DSCAML1: variants seen among roughly 807,000 people sequenced by gnomAD.
The protein encoded by DSCAML1 is cell adhesion molecule DSCAML1.
DSCAML1 carries 38 observed loss-of-function variants against 200.5 expected under a neutral mutation model. The ratio of observed to expected loss-of-function variants is 0.19; its 90% CI spans 0.15 to 0.25. The LOEUF (loss-of-function observed/expected upper bound fraction) is 0.25. Ranked by LOEUF, DSCAML1 falls within the 10% of genes least tolerant of loss-of-function variation. The pLI, the probability that DSCAML1 is intolerant of heterozygous loss-of-function variation, is 1.00. For synonymous variants in DSCAML1, 1,215 were observed against 1,165.0 expected (o/e 1.04, Z -0.87); for missense variants, 2,223 against 2,858.8 (o/e 0.78, Z 5.07).
At chr11:117,580,686 A>G (rs984247003) in intron 3 of DSCAML1, among the ~76,000 whole-genome samples, 1 of 152,172 alleles carries the variant, frequency 6.6e-6, no homozygotes, top group Non-Finnish European at 1.5e-5. Context: ...CTTTGAAGCC[A>G]TGGGCAAATC....
chr11:117,649,041 A>ATATATATGTGTGTGTG (rs768621807), intron 3 of DSCAML1, among the ~76,000 whole-genome samples: 27 of 137,928 alleles, frequency 2.0e-4, no homozygotes, highest in African/African-American at 7.7e-4. Flanking sequence ...CTCCATATAT[A>ATATATATGTGTGTGTG]TGTGTGTGTG....
chr11:117,626,210 T>C (rs12361297), intron 3 of DSCAML1, among the ~76,000 whole-genome samples: 8,649 of 113,978 alleles, frequency 0.076, 287 homozygotes, highest in Middle Eastern at 0.11. Flanking sequence ...CCCCCCCCCC[T>C]CCTTCTTCTG....
At chr11:117,720,743 T>A (rs543047787) in intron 3 of DSCAML1, among the ~76,000 whole-genome samples, 2 of 152,236 alleles carry the variant, frequency 1.3e-5, no homozygotes, top group African/African-American at 4.8e-5. Context: ...ACAGCAATAG[T>A]GGTGCTTGGC....
intron 3 of DSCAML1, among the ~76,000 whole-genome samples, chr11:117,667,234 A>C (rs2052997900): frequency 6.6e-6 from 1 of 152,144 alleles, no homozygotes; most frequent in East Asian, 1.9e-4. Context: ...CAACATGGTG[A>C]AACCCTGTCT....
chr11:117,759,049 T>C (rs1017983393), intron 3 of DSCAML1, among the ~76,000 whole-genome samples: 4 of 152,206 alleles, frequency 2.6e-5, no homozygotes, highest in Non-Finnish European at 5.9e-5. Flanking sequence ...TTGTAAACTC[T>C]GGCGATACTT....
chr11:117,769,193 T>TA lies in DSCAML1; in HGVS notation c.511+7597_511+7598insT, dbSNP rs1220506345. 1.5e-3 allele frequency among the ~76,000 whole-genome samples: 45 copies of TA among 29,838 alleles called. 3 individuals are homozygous for TA. Among genetic ancestry groups the TA allele is most frequent in the African/African-American group, 3.0e-3 (45 of 15,196 alleles). The allele number at this position is 29,838 out of a possible 152,430, so 19.6% of individuals were successfully genotyped here. A position where few individuals can be genotyped will look rare whatever the true frequency, so the allele number is the denominator to read the frequency against. On this transcript the variant is annotated intron_variant, in intron 3 of 32. Transcript: ENST00000651296. ...ATTTTATATATATTATACATATATATTTTATATATATTATATATTTTATAT... is the reference window on the plus strand; with the variant it reads ...ATTTTATATATATTATACATATATATATTTATATATATTATATATTTTATAT...
chr11:117,428,786 G>A lies in DSCAML1; in HGVS notation c.5704C>T (p.Pro1902Ser). 5 of 1,604,672 alleles carry A rather than the reference G, an allele frequency of 3.1e-6. No homozygotes were observed. Among genetic ancestry groups the A allele is most frequent in the Non-Finnish European group, 4.2e-6 (5 of 1,177,040 alleles). Reference protein sequence around the residue: ...RANKSDYCNLPLYAKSEAFFR... With the variant: ...RANKSDYCNLSLYAKSEAFFR... ...AAGGCCTCTGACTTGGCATACAGGG[G>A]CAGGTTGCAGTAGTCACCTGGAATC... is the stretch of plus-strand genomic sequence containing the variant. Residue 1902 changes from proline (P) to serine (S), a missense_variant, in exon 33 of 33, where the codon CCC becomes TCC. Coordinates refer to ENST00000651296, the MANE Select transcript of DSCAML1 (RefSeq NM_020693.4).
rs754064332 is a variant in DSCAML1 at position 117,559,686 on chromosome 11, A to G, written c.512-27164T>C. Among the ~76,000 whole-genome samples the G allele has an allele frequency of 2.0e-5, 3 of 152,128 alleles. 1 individual carries two copies. The highest frequency in any genetic ancestry group is 6.6e-5 in the Admixed American group (1 of 15,266). The stretch of plus-strand genomic sequence containing the variant: ...TTGCTGAGCCAGGCAGGCAGACCCA[A>G]GTTTGGCTTGGTGGCATGAAGAGGC... On this transcript the variant is annotated intron_variant, in intron 3 of 32. Coordinates refer to ENST00000651296, the MANE Select transcript of DSCAML1 (RefSeq NM_020693.4).
At chr11:117,493,198 C>T (rs1437069528) in intron 11 of DSCAML1, among the ~76,000 whole-genome samples, 1 of 152,192 alleles carries the variant, frequency 6.6e-6, no homozygotes, top group Non-Finnish European at 1.5e-5. Flanking sequence ...TTACTTTGTC[C>T]AGCTTTAAAA....
chr11:117,790,215 CAA>C (rs2055435242), intron 1 of DSCAML1, among the ~76,000 whole-genome samples: 1 of 152,238 alleles, frequency 6.6e-6, no homozygotes, highest in Non-Finnish European at 1.5e-5. Flanking sequence ...GCTCTTCCCA[CAA>C]AAGACTGTGG....
At chr11:117,482,697 G>A (rs936026836) in intron 11 of DSCAML1, among the ~76,000 whole-genome samples, 12 of 152,156 alleles carry the variant, frequency 7.9e-5, no homozygotes, top group African/African-American at 2.9e-4. Context: ...TGACAGTCAC[G>A]GGGCTGCTAT....
At chr11:117,595,879 G>A (rs1346105974) in intron 3 of DSCAML1, among the ~76,000 whole-genome samples, 1 of 152,178 alleles carries the variant, frequency 6.6e-6, no homozygotes, top group Non-Finnish European at 1.5e-5. Flanking sequence ...GGAGGCAGGT[G>A]TGGAAATATG....
rs2055215839 is a variant in DSCAML1 at position 117,780,237 on chromosome 11, A to AAAG, written c.364+253_364+255dup. ...AGAGAGAGAAAGAAAGAAAGGAAAG[A>AAAG]AAGAAAGAAAGAAAGAAAGAAAGAA... On this transcript the variant is annotated intron_variant, in intron 2 of 32. Coordinates refer to ENST00000651296, the MANE Select transcript of DSCAML1 (RefSeq NM_020693.4). This position sits in a 1 kb window ranked among gnomAD's most constrained non-coding sequence, Gnocchi z 4.8. Among the ~76,000 whole-genome samples the AAAG allele has an allele frequency of 8.1e-5, 5 of 61,892 alleles. No individual in the cohort carries two copies. The highest frequency in any genetic ancestry group is 3.0e-4 in the African/African-American group (5 of 16,614). 40.6% of individuals were successfully genotyped at this position (61,892 alleles called of 152,430 possible).
chr11:117,799,863 TG>T (rs773022274), upstream of DSCAML1, among the ~76,000 whole-genome samples: 2 of 152,162 alleles, frequency 1.3e-5, no homozygotes, highest in East Asian at 3.9e-4. Context: ...CTACCATGAA[TG>T]GGAACAGCTT....
chr11:117,721,940 TAAGTC>T (rs1281097863), intron 3 of DSCAML1, among the ~76,000 whole-genome samples: 1 of 152,104 alleles, frequency 6.6e-6, no homozygotes, highest in Admixed American at 6.5e-5. Context: ...GTTTAAAATG[TAAGTC>T]ATTTGTTCTT....
At chr11:117,493,091 T>C (rs901943249) in intron 11 of DSCAML1, among the ~76,000 whole-genome samples, 1 of 151,804 alleles carries the variant, frequency 6.6e-6, no homozygotes, top group Non-Finnish European at 1.5e-5. Context: ...GTGCAAGGGG[T>C]AGGGGTGAGG....
At chr11:117,755,448 A>T (rs2054670235) in intron 3 of DSCAML1, among the ~76,000 whole-genome samples, 1 of 152,148 alleles carries the variant, frequency 6.6e-6, no homozygotes, top group South Asian at 2.1e-4. Context: ...GAGTTCTGAG[A>T]GGTAAGTAAC....
At chr11:117,631,403 A>G (rs1281403433) in intron 3 of DSCAML1, among the ~76,000 whole-genome samples, 1 of 152,230 alleles carries the variant, frequency 6.6e-6, no homozygotes. Context: ...AGGAAGCCCA[A>G]GAGGAGAGCT....
At chr11:117,742,251 C>T (rs1054135343) in intron 3 of DSCAML1, among the ~76,000 whole-genome samples, 11 of 152,152 alleles carry the variant, frequency 7.2e-5, no homozygotes, top group African/African-American at 1.2e-4. Context: ...AATGACTTAA[C>T]CCAAGACTGT....
Sources: gnomAD v4.1 joint callset for allele counts (sites outside exome capture counted in the v4.1 genomes callset) on GRCh38, gnomAD v4.1.1 for gene constraint, Gnocchi (gnomAD v3.1) non-coding constraint, MANE v1.5 for transcripts, NCBI Gene and HGNC (gene_info 2026-07-23, HGNC 2026-07-21) for gene names.